Variants in SPATA6L observed in about 807,000 individuals in gnomAD.
SPATA6L encodes the protein spermatogenesis associated 6 like, also known as spermatogenesis associated 6-like protein.
SPATA6L carries 68 observed loss-of-function variants against 49.2 expected under a neutral mutation model. That is an observed-to-expected ratio of 1.38 (90% CI 1.14 to 1.69). SPATA6L has a LOEUF of 1.69. Among genes scored for constraint, SPATA6L ranks in the 40% most tolerant of loss-of-function variants. The probability of loss-of-function intolerance (pLI) is 0.00; values close to 1 mark genes in which losing one functional copy is unlikely to be tolerated. For synonymous variants in SPATA6L, 198 were observed against 165.7 expected (o/e 1.19, Z -1.50); for missense variants, 668 against 464.3 (o/e 1.44, Z -4.03).
intron 7 of SPATA6L, among the ~76,000 whole-genome samples, chr9:4,620,449 G>A (rs1829029682): frequency 6.6e-6 from 1 of 152,182 alleles, no homozygotes; most frequent in African/African-American, 2.4e-5. Context: ...TAGAAAAGGA[G>A]AATCCTAAGC....
chr9:4,648,123 C>T (rs897731186), intron 3 of SPATA6L, among the ~76,000 whole-genome samples: 3 of 152,144 alleles, frequency 2.0e-5, no homozygotes, highest in Non-Finnish European at 2.9e-5. Context: ...ATATAAGCCA[C>T]TGTGCCCAGC....
At chr9:4,646,970 C>G (rs953874248) in intron 3 of SPATA6L, among the ~76,000 whole-genome samples, 3 of 151,902 alleles carry the variant, frequency 2.0e-5, no homozygotes, top group Non-Finnish European at 4.4e-5. Context: ...CTATTGGATA[C>G]TAGACTTAAT....
At position 4,640,652 on chromosome 9, in the gene SPATA6L, TCACACTAGG is replaced by T. The variant is rs1348404642; in HGVS notation, c.227-5262_227-5254del. 2.7e-3 allele frequency among the ~76,000 whole-genome samples: 415 copies of T among 152,270 alleles called. 2 individuals carry two copies. Among genetic ancestry groups the T allele is most frequent in the African/African-American group, 9.5e-3 (396 of 41,534 alleles). On this transcript the variant is annotated intron_variant, in intron 3 of 11. Coordinates refer to ENST00000682582, the MANE Select transcript of SPATA6L (RefSeq NM_001353486.2). ...TACTACGTGCCCGGAGCCACCAGCA[TCACACTAGG>T]AAGACTGGCACAGTGTAGATCATGT...
At chr9:4,604,363 G>C (rs1824180537) in intron 10 of SPATA6L, 94 bp from the exon 11 acceptor site, 3 of 756,990 alleles carry the variant, frequency 4.0e-6, no homozygotes, top group Admixed American at 4.5e-5. Context: ...GGAGGTCTGT[G>C]CATCCCATTT....
downstream of SPATA6L, among the ~76,000 whole-genome samples, chr9:4,596,695 G>C (rs1008810032): frequency 6.6e-6 from 1 of 152,182 alleles, no homozygotes; most frequent in Non-Finnish European, 1.5e-5. Context: ...CTTCTGTCAA[G>C]AGACCTTAGT....
chr9:4,662,875 T>A lies in SPATA6L; in HGVS notation c.40-839A>T. On this transcript the variant is annotated intron_variant, in intron 1 of 11. Coordinates refer to ENST00000682582, the MANE Select transcript of SPATA6L (RefSeq NM_001353486.2). This position sits in a 1 kb window ranked among gnomAD's most constrained non-coding sequence, Gnocchi z 4.9. ...AGCTGGGCCGGGCGCGAGGTGCTGATGAACCTGCTCTTCGCCCTGCTGTTG... is the reference window on the plus strand; with the variant it reads ...AGCTGGGCCGGGCGCGAGGTGCTGAAGAACCTGCTCTTCGCCCTGCTGTTG... 1 of 1,606,370 alleles carries A rather than the reference T, an allele frequency of 6.2e-7. No homozygotes were observed. The highest frequency in any genetic ancestry group is 1.7e-5 in the Admixed American group (1 of 60,022).
At chr9:4,661,376 A>G (rs1839689864) in intron 2 of SPATA6L, among the ~76,000 whole-genome samples, 1 of 152,242 alleles carries the variant, frequency 6.6e-6, no homozygotes, top group South Asian at 2.1e-4. Context: ...TTATATCACC[A>G]TGTTATTCAC....
At chr9:4,641,182 A>G (rs62543894) in intron 3 of SPATA6L, among the ~76,000 whole-genome samples, 18,383 of 152,108 alleles carry the variant, frequency 0.12, 1,552 homozygotes, top group African/African-American at 0.23. Context: ...ATATTCAACA[A>G]CCATAAAATA....
In SPATA6L at chr9:4,613,306, A is replaced by C. The variant is rs575390124; in HGVS notation, c.995+4617T>G. 2.0e-5 allele frequency among the ~76,000 whole-genome samples: 3 copies of C among 152,250 alleles called. No individual in the cohort carries two copies. The East Asian group carries it at 5.8e-4, about 29-fold the overall frequency. On this transcript the variant is annotated intron_variant, in intron 9 of 11. Transcript: ENST00000682582. ...ATGGTAAACACTGGAAATGACAGGA[A>C]CATCTGGAAATCCAGTTGTTACTAT...
At chr9:4,663,391 C>G (rs1445091122) in intron 1 of SPATA6L, 2 of 968,848 alleles carry the variant, frequency 2.1e-6, no homozygotes, top group African/African-American at 1.6e-5. Context: ...TTTCAGGTGT[C>G]CCATGATCTT....
At chr9:4,605,800 G>A (rs965374577) in intron 9 of SPATA6L, among the ~76,000 whole-genome samples, 46 of 152,054 alleles carry the variant, frequency 3.0e-4, no homozygotes, top group African/African-American at 8.9e-4. Flanking sequence ...TCCGGTTTTC[G>A]GGGAGAGCCA....
intron 3 of SPATA6L, among the ~76,000 whole-genome samples, chr9:4,649,662 T>G (rs991442887): frequency 6.6e-6 from 1 of 152,258 alleles, no homozygotes; most frequent in Non-Finnish European, 1.5e-5. Flanking sequence ...CAGAGCGAGT[T>G]AATTAGGATG....
downstream of SPATA6L, among the ~76,000 whole-genome samples, chr9:4,593,410 T>C (rs1822035190): frequency 6.6e-6 from 1 of 152,174 alleles, no homozygotes; most frequent in Admixed American, 6.5e-5. Flanking sequence ...CCCTCCCTTA[T>C]ATCACCTTTA....
Position 4,662,802 on chromosome 9 carries a change from G to A in SPATA6L, c.40-766C>T, listed in dbSNP as rs767166657. On this transcript the variant is annotated intron_variant, in intron 1 of 11. Coordinates refer to ENST00000682582, the MANE Select transcript of SPATA6L (RefSeq NM_001353486.2). This position sits in a 1 kb window ranked among gnomAD's most constrained non-coding sequence, Gnocchi z 4.9. The stretch of plus-strand genomic sequence containing the variant: ...GAAGCTGCTGGAGATCTCGGGACAC[G>A]GCATCCCCTGGCTGCTGGGCACCCT... 116 of 1,604,916 alleles carry A rather than the reference G, an allele frequency of 7.2e-5. No homozygotes were observed. The highest frequency in any genetic ancestry group is 9.2e-5 in the Non-Finnish European group (109 of 1,179,942).
Position 4,666,196 on chromosome 9 carries a change from T to A in SPATA6L, c.39+16A>T. ...CCGACTTGAGGTTAAGGAGGGGGAG[T>A]TCATCGATCTCTTACCGCCCGGATC... On this transcript the variant is annotated intron_variant, in intron 1 of 11. Coordinates refer to ENST00000682582, the MANE Select transcript of SPATA6L (RefSeq NM_001353486.2). 6.2e-7 allele frequency: 1 copy of A among 1,612,984 alleles called. No individual in the cohort carries two copies. Among genetic ancestry groups the A allele is most frequent in the Non-Finnish European group, 8.5e-7 (1 of 1,179,662 alleles).
At chr9:4,639,058 T>C (rs1205976314) in intron 3 of SPATA6L, among the ~76,000 whole-genome samples, 2 of 152,072 alleles carry the variant, frequency 1.3e-5, no homozygotes, top group Non-Finnish European at 2.9e-5. Context: ...TTCAAGAAAA[T>C]GTAAAAACTG....
chr9:4,646,118 G>C (rs566559782), intron 3 of SPATA6L, among the ~76,000 whole-genome samples: 1 of 120,042 alleles, frequency 8.3e-6, no homozygotes, highest in African/African-American at 3.2e-5. Flanking sequence ...AATGTCTTAG[G>C]GTTTTACACA....
chr9:4,620,069 A>G (rs921640484), intron 7 of SPATA6L, among the ~76,000 whole-genome samples: 3 of 152,036 alleles, frequency 2.0e-5, no homozygotes, highest in African/African-American at 7.3e-5. Context: ...GGCCATTTTC[A>G]TATCCTTTGG....
intron 3 of SPATA6L, among the ~76,000 whole-genome samples, chr9:4,653,514 C>T (rs1461367816): frequency 2.0e-5 from 3 of 152,108 alleles, no homozygotes; most frequent in African/African-American, 7.2e-5. Context: ...TGAAATTCAT[C>T]AAAATTAAAA....
Sources: gnomAD v4.1 joint callset for allele counts (sites outside exome capture counted in the v4.1 genomes callset) on GRCh38, gnomAD v4.1.1 for gene constraint, Gnocchi (gnomAD v3.1) non-coding constraint, MANE v1.5 for transcripts, NCBI Gene and HGNC (gene_info 2026-07-23, HGNC 2026-07-21) for gene names.